The following SLC17A1 variants were observed in gnomAD, a reference collection of about 807,000 sequenced individuals.
SLC17A1 encodes the protein solute carrier family 17 member 1.
In SLC17A1, 51 loss-of-function variants were observed where a neutral mutation model predicts 53.5. The observed-to-expected ratio is 0.95, with a 90% confidence interval of 0.76 to 1.20. The LOEUF (loss-of-function observed/expected upper bound fraction) is 1.20. SLC17A1 is among the 50% of genes most tolerant of loss of function. SLC17A1 has a pLI of 0.00. For synonymous variants in SLC17A1, 179 were observed against 198.8 expected (o/e 0.90, Z 0.84); for missense variants, 538 against 568.2 (o/e 0.95, Z 0.54).
chr6:25,824,741 C>T (rs549778893), intron 3 of SLC17A1, among the ~76,000 whole-genome samples: 30 of 151,512 alleles, frequency 2.0e-4, no homozygotes, highest in Admixed American at 5.9e-4. Flanking sequence ...ATATAAAATG[C>T]TCAGTTAAAC....
chr6:25,794,961 G>A (rs1763574426), intron 12 of SLC17A1, among the ~76,000 whole-genome samples: 1 of 152,208 alleles, frequency 6.6e-6, no homozygotes, highest in South Asian at 2.1e-4. Context: ...CAGTTTGAGA[G>A]TGACAGGTAA....
the SLC17A1 span, among the ~76,000 whole-genome samples, chr6:25,753,650 CT>C: frequency 2.0e-5 from 3 of 152,022 alleles, no homozygotes; most frequent in Admixed American, 6.5e-5. Context: ...TGAAGGCTGA[CT>C]TTTTTTTGGC....
the SLC17A1 span, chr6:25,769,256 G>C: frequency 2.1e-6 from 3 of 1,416,754 alleles, no homozygotes; most frequent in Non-Finnish European, 2.9e-6. Context: ...AGTTATAAAA[G>C]AGTGAGATTC....
At chr6:25,724,577 G>C in the SLC17A1 span, among the ~76,000 whole-genome samples, 1 of 152,172 alleles carries the variant, frequency 6.6e-6, no homozygotes, top group Admixed American at 6.5e-5. Flanking sequence ...ATTAGAGATA[G>C]AAATAAAAGT....
the SLC17A1 span, among the ~76,000 whole-genome samples, chr6:25,751,005 G>A: frequency 3.4e-4 from 51 of 152,212 alleles, no homozygotes; most frequent in Non-Finnish European, 3.4e-4. Context: ...TCACATATGC[G>A]GAGATAGGAG....
intron 2 of SLC17A1, among the ~76,000 whole-genome samples, chr6:25,829,136 A>C (rs888852179): frequency 2.6e-5 from 4 of 152,150 alleles, no homozygotes; most frequent in Admixed American, 2.6e-4. Context: ...TTGAAGTCAG[A>C]TGTTTCACTG....
the SLC17A1 span, among the ~76,000 whole-genome samples, chr6:25,739,456 A>G: frequency 1.3e-5 from 2 of 152,194 alleles, no homozygotes; most frequent in East Asian, 3.9e-4. Context: ...TATTCAGTCT[A>G]TAATGTTATG....
At chr6:25,785,458 T>C (rs994908927) in intron 12 of SLC17A1, among the ~76,000 whole-genome samples, 1 of 151,948 alleles carries the variant, frequency 6.6e-6, no homozygotes, top group African/African-American at 2.4e-5. Flanking sequence ...AAAGAAAAAA[T>C]AGATAAATTA....
At chr6:25,764,375 T>C in the SLC17A1 span, among the ~76,000 whole-genome samples, 1 of 152,134 alleles carries the variant, frequency 6.6e-6, no homozygotes, top group African/African-American at 2.4e-5. Context: ...CCCCCCACCA[T>C]GGGGAAGAAT....
At chr6:25,797,894 C>T (rs1283643624) in intron 12 of SLC17A1, among the ~76,000 whole-genome samples, 1 of 152,162 alleles carries the variant, frequency 6.6e-6, no homozygotes, top group African/African-American at 2.4e-5. Flanking sequence ...ATTAAAGACC[C>T]TGAGCCTTTT....
At chr6:25,812,796 G>A (rs756231477) in intron 8 of SLC17A1, 35 bp downstream of exon 8, 24 of 1,510,308 alleles carry the variant, frequency 1.6e-5, no homozygotes, top group Admixed American at 1.3e-4. Flanking sequence ...AGAGTCTTTC[G>A]TGAAGTTAAA....
At chr6:25,826,112 T>C (rs1764730916) in intron 3 of SLC17A1, among the ~76,000 whole-genome samples, 1 of 152,116 alleles carries the variant, frequency 6.6e-6, no homozygotes, top group African/African-American at 2.4e-5. Context: ...CATTTAAATA[T>C]CCTGCAAGTC....
chr6:25,811,546 C>T lies in SLC17A1; in HGVS notation c.1031-1G>A. The T allele has an allele frequency of 1.9e-6, 3 of 1,613,712 alleles. No homozygotes were observed. The highest frequency in any genetic ancestry group is 2.5e-6 in the Non-Finnish European group (3 of 1,179,798). On this transcript the variant is annotated splice_acceptor_variant, in intron 9 of 12. Coordinates refer to ENST00000244527, the MANE Select transcript of SLC17A1 (RefSeq NM_005074.5). LOFTEE classifies it high-confidence loss of function. ...CCAAAGATTGCAGGAAGGAGAAATC[C>T]TGGGGAGTGATTCAGACAACATAGT...
downstream of SLC17A1, among the ~76,000 whole-genome samples, chr6:25,781,520 G>C: frequency 6.6e-6 from 1 of 152,184 alleles, no homozygotes; most frequent in Non-Finnish European, 1.5e-5. Context: ...AATGCCTGAG[G>C]CTGGGTAACT....
intron 10 of SLC17A1, 149 bp downstream of exon 10, chr6:25,811,249 C>A: frequency 2.6e-6 from 2 of 767,048 alleles, no homozygotes; most frequent in South Asian, 4.3e-5. Context: ...CACAAAAATG[C>A]TAAGTGTGTG....
intron 12 of SLC17A1, among the ~76,000 whole-genome samples, chr6:25,789,438 A>G (rs1476055218): frequency 6.6e-6 from 1 of 152,240 alleles, no homozygotes; most frequent in Non-Finnish European, 1.5e-5. Flanking sequence ...ACATAGTTCC[A>G]AAGTATGTAA....
intron 6 of SLC17A1, among the ~76,000 whole-genome samples, chr6:25,815,870 T>C (rs1029551589): frequency 1.3e-4 from 19 of 151,158 alleles, no homozygotes; most frequent in African/African-American, 4.9e-5. Context: ...AGGGGACCCC[T>C]GCCCTTGCTC....
the SLC17A1 span, chr6:25,732,187 G>A: frequency 5.2e-6 from 2 of 384,020 alleles, no homozygotes; most frequent in Non-Finnish European, 9.6e-6. Flanking sequence ...TTCACAGGGA[G>A]ATCACTAACT....
At chr6:25,816,493 C>T (rs1278386616) in intron 6 of SLC17A1, among the ~76,000 whole-genome samples, 1 of 152,264 alleles carries the variant, frequency 6.6e-6, no homozygotes, top group Non-Finnish European at 1.5e-5. Context: ...GTCTTGGCAC[C>T]TGCCCTATGA....
Sources: allele counts gnomAD v4.1 joint callset (sites outside exome capture counted in the v4.1 genomes callset), GRCh38; gene constraint gnomAD v4.1.1; transcripts MANE v1.5; gene names NCBI Gene and HGNC (gene_info 2026-07-23, HGNC 2026-07-21).